Variants in NEK1 observed in about 807,000 individuals in gnomAD.
NEK1 encodes serine/threonine-protein kinase Nek1.
A neutral mutation model predicts 182.1 loss-of-function variants in NEK1; 137 were observed. The ratio of observed to expected loss-of-function variants is 0.75; its 90% CI spans 0.65 to 0.87. The LOEUF (loss-of-function observed/expected upper bound fraction) is 0.87, where lower values mean the gene tolerates loss of function less well. NEK1 is among the 40% of genes least tolerant of loss of function. The pLI is 0.00. For synonymous variants in NEK1, 513 were observed against 492.2 expected (o/e 1.04, Z -0.56); for missense variants, 1,391 against 1,494.4 (o/e 0.93, Z 1.14).
intron 18 of NEK1, among the ~76,000 whole-genome samples, chr4:169,546,782 A>C (rs905297131): frequency 6.6e-6 from 1 of 152,146 alleles, no homozygotes; most frequent in Non-Finnish European, 1.5e-5. Flanking sequence ...GTTTTATCAG[A>C]GACTAGGATT....
intron 27 of NEK1, among the ~76,000 whole-genome samples, chr4:169,460,338 TAAA>T (rs60082117): frequency 2.8e-5 from 4 of 141,552 alleles, no homozygotes; most frequent in African/African-American, 7.7e-5. Flanking sequence ...GGTGGCAGGT[TAAA>T]AAAAAAAAAA....
intron 19 of NEK1, among the ~76,000 whole-genome samples, chr4:169,525,550 A>G (rs1756768950): frequency 6.6e-6 from 1 of 152,226 alleles, no homozygotes; most frequent in Non-Finnish European, 1.5e-5. Context: ...TATAGCAAAG[A>G]TCAGCAAATT....
At chr4:169,543,405 G>A (rs1431118410) in intron 18 of NEK1, among the ~76,000 whole-genome samples, 1 of 152,192 alleles carries the variant, frequency 6.6e-6, no homozygotes, top group African/African-American at 2.4e-5. Flanking sequence ...AGTATAGTTT[G>A]AAGTCAGGTA....
chr4:169,397,510 T>C (rs1316473205), intron 35 of NEK1, among the ~76,000 whole-genome samples: 1 of 152,168 alleles, frequency 6.6e-6, no homozygotes, highest in Non-Finnish European at 1.5e-5. Context: ...CTACACCTGC[T>C]GTAATGGTAT....
intron 4 of NEK1, 34 bp downstream of exon 4, chr4:169,601,974 G>A: frequency 6.9e-7 from 1 of 1,446,270 alleles, no homozygotes; most frequent in Non-Finnish European, 9.7e-7. Context: ...TAATGTCTTA[G>A]GATTTTTTAA....
At chr4:169,461,928 TGAAGA>T (rs1450099259) in intron 27 of NEK1, among the ~76,000 whole-genome samples, 1 of 152,108 alleles carries the variant, frequency 6.6e-6, no homozygotes, top group Non-Finnish European at 1.5e-5. Context: ...GGTGACTGAA[TGAAGA>T]GAAATCATAA....
intron 27 of NEK1, among the ~76,000 whole-genome samples, chr4:169,444,510 A>C (rs1740120816): frequency 6.6e-6 from 1 of 152,238 alleles, no homozygotes; most frequent in Admixed American, 6.5e-5. Flanking sequence ...GCTGTAAAAA[A>C]AGACAAAGAA....
intron 8 of NEK1, 95 bp from the exon 9 acceptor site, chr4:169,587,708 T>C (rs1415566161): frequency 1.6e-5 from 11 of 691,384 alleles, no homozygotes; most frequent in Middle Eastern, 2.6e-4. Context: ...TGGAAAAATA[T>C]GTGCTCCAGA....
intron 12 of NEK1, among the ~76,000 whole-genome samples, chr4:169,566,424 G>A (rs1454928173): frequency 6.6e-6 from 1 of 152,160 alleles, no homozygotes; most frequent in Non-Finnish European, 1.5e-5. Context: ...CATCCACACT[G>A]AGAGAACTGT....
Position 169,507,064 on chromosome 4 carries a change from CT to C in NEK1, c.1979del (p.Glu660GlyfsTer39), listed in dbSNP as rs1753396731. The C allele has an allele frequency of 1.2e-6, 2 of 1,608,212 alleles. No homozygotes were observed. Among genetic ancestry groups the C allele is most frequent in the Non-Finnish European group, 1.7e-6 (2 of 1,177,320 alleles). On this transcript the variant is annotated frameshift_variant, in exon 23 of 36. Coordinates refer to ENST00000507142, the MANE Select transcript of NEK1 (RefSeq NM_001199397.3). LOFTEE classifies it high-confidence loss of function. The part of the protein sequence containing the change: ...QLERKRKEAY[E>X]REKKVWEEHL... ...GCTCTTCCCACACTTTTTTTTCTCT[CT>C]CATAAGCCTCCTTTCTCTTTCGTTC...
chr4:169,464,341 T>C (rs945738803), intron 26 of NEK1, among the ~76,000 whole-genome samples: 2 of 152,156 alleles, frequency 1.3e-5, no homozygotes, highest in African/African-American at 4.8e-5. Flanking sequence ...TACTCTATGC[T>C]GTCTTTCATT....
At chr4:169,559,158 A>G (rs2149929173) in intron 16 of NEK1, among the ~76,000 whole-genome samples, 1 of 152,332 alleles carries the variant, frequency 6.6e-6, no homozygotes, top group Middle Eastern at 3.4e-3. Flanking sequence ...TCAGTTATTA[A>G]ACATTAATAA....
At chr4:169,529,762 C>A (rs4379028) in intron 19 of NEK1, among the ~76,000 whole-genome samples, 16,742 of 152,084 alleles carry the variant, frequency 0.11, 1,015 homozygotes, top group East Asian at 0.17. Context: ...TGGACAAAGA[C>A]CTTTCTCTAA....
chr4:169,537,979 T>G, intron 18 of NEK1, 68 bp from the exon 19 acceptor site: 1 of 1,148,102 alleles, frequency 8.7e-7, no homozygotes, highest in South Asian at 1.7e-5. Context: ...AAAAATTACA[T>G]TTATCCTAAA....
At chr4:169,474,732 G>A (rs1746643533) in intron 26 of NEK1, among the ~76,000 whole-genome samples, 1 of 152,166 alleles carries the variant, frequency 6.6e-6, no homozygotes, top group Non-Finnish European at 1.5e-5. Flanking sequence ...GTCTTCCTCT[G>A]ATGAACTCTT....
At chr4:169,477,893 T>A (rs1580020785) in intron 24 of NEK1, among the ~76,000 whole-genome samples, 1 of 152,054 alleles carries the variant, frequency 6.6e-6, no homozygotes, top group African/African-American at 2.4e-5. Flanking sequence ...AAAGTTTTGA[T>A]AGATGAAGTA....
chr4:169,507,091 T>C lies in NEK1; in HGVS notation c.1953A>G (p.Leu651=). ...CATAAGCCTCCTTTCTCTTTCGTTCTAGTTGTTCTTTTAGTACAGCAGCAC... is the reference window on the plus strand; with the variant it reads ...CATAAGCCTCCTTTCTCTTTCGTTCCAGTTGTTCTTTTAGTACAGCAGCAC... ...NARAAVLKEQ[L]ERKRKEAYER... is the part of the protein sequence containing the mutation. Residue 651 remains leucine, a synonymous_variant, in exon 23 of 36, where the codon CTA becomes CTG. Coordinates refer to ENST00000507142, the MANE Select transcript of NEK1 (RefSeq NM_001199397.3). 1 of 1,610,626 alleles carries C rather than the reference T, an allele frequency of 6.2e-7. No individual in the cohort carries two copies. The highest frequency in any genetic ancestry group is 8.5e-7 in the Non-Finnish European group (1 of 1,178,678).
At chr4:169,497,208 T>C (rs1478730452) in intron 23 of NEK1, among the ~76,000 whole-genome samples, 2 of 152,242 alleles carry the variant, frequency 1.3e-5, no homozygotes, top group African/African-American at 4.8e-5. Context: ...GTTTATAGTA[T>C]TCTCTGATGG....
chr4:169,557,367 G>A (rs75383102), intron 16 of NEK1, among the ~76,000 whole-genome samples: 10,734 of 151,170 alleles, frequency 0.071, 1,240 homozygotes, highest in African/African-American at 0.24. Context: ...AAAGGATAAG[G>A]GTAAAAGTAA....
Sources: allele counts gnomAD v4.1 joint callset (sites outside exome capture counted in the v4.1 genomes callset), GRCh38; gene constraint gnomAD v4.1.1; transcripts MANE v1.5; gene names NCBI Gene and HGNC (gene_info 2026-07-23, HGNC 2026-07-21).